FERMT2: variants seen among roughly 807,000 people sequenced by gnomAD.
FERMT2 encodes the protein FERM domain containing kindlin 2, also known as fermitin family homolog 2.
A neutral mutation model predicts 82.7 loss-of-function variants in FERMT2; 15 were observed. That is an observed-to-expected ratio of 0.18 (90% confidence interval 0.12 to 0.28). FERMT2 has a LOEUF of 0.28. Among genes scored for constraint, FERMT2 ranks in the 10% least tolerant of loss-of-function variants. FERMT2 has a pLI of 1.00. For missense variants in FERMT2, 645 were observed against 809.4 expected (o/e 0.80, Z 2.46); for synonymous variants, 274 against 271.5 (o/e 1.01, Z -0.09).
At chr14:52,931,189 A>C (rs1043258277) in intron 2 of FERMT2, among the ~76,000 whole-genome samples, 3 of 152,372 alleles carry the variant, frequency 2.0e-5, no homozygotes, top group African/African-American at 7.2e-5. Context: ...GAATATAAAA[A>C]TTAATAAGAA....
chr14:52,859,748 T>TTG (rs767586396), intron 13 of FERMT2, 34 bp from the exon 14 acceptor site: 65 of 1,370,460 alleles, frequency 4.7e-5, no homozygotes, highest in Admixed American at 1.0e-4. Context: ...GTTAAAAACA[T>TTG]GTTGTGGGGG....
At chr14:52,923,950 T>C (rs1270524679) in intron 2 of FERMT2, among the ~76,000 whole-genome samples, 1 of 152,180 alleles carries the variant, frequency 6.6e-6, no homozygotes, top group Non-Finnish European at 1.5e-5. Context: ...CTGTGGGGGC[T>C]TGTGACTTAT....
chr14:52,937,636 C>A (rs1889903683), intron 2 of FERMT2, among the ~76,000 whole-genome samples: 1 of 152,178 alleles, frequency 6.6e-6, no homozygotes, highest in South Asian at 2.1e-4. Context: ...CGGGACTATG[C>A]CTCACCATAT....
chr14:52,881,649 T>A lies in FERMT2; in HGVS notation c.527-180A>T, dbSNP rs1886304995. The A allele has an allele frequency of 4.7e-6, 4 of 846,562 alleles. No homozygotes were observed. In the South Asian group the frequency reaches 7.6e-5, roughly 16 times the overall value. The allele number at this position is 846,562 out of a possible 1,614,324, so 52.4% of individuals were successfully genotyped here. On this transcript the variant is annotated intron_variant, in intron 4 of 14. Transcript: ENST00000341590. ...TGTAATTAATTCTCCTTGTATAACA[T>A]TAAAACACGTAATAAAGCCTTAAGA... is the stretch of plus-strand genomic sequence containing the variant.
intron 2 of FERMT2, among the ~76,000 whole-genome samples, chr14:52,950,022 A>G (rs1408506580): frequency 1.3e-5 from 2 of 152,188 alleles, no homozygotes; most frequent in Non-Finnish European, 2.9e-5. Context: ...CGTCACTAAC[A>G]TTCAGGTATG....
chr14:52,896,657 G>C (rs1390476087), intron 3 of FERMT2, among the ~76,000 whole-genome samples: 1 of 152,136 alleles, frequency 6.6e-6, no homozygotes, highest in East Asian at 1.9e-4. Flanking sequence ...TGCTTTGTAA[G>C]TATTTGTGTC....
intron 4 of FERMT2, among the ~76,000 whole-genome samples, chr14:52,891,870 C>T (rs558683038): frequency 6.6e-6 from 1 of 152,242 alleles, no homozygotes; most frequent in East Asian, 1.9e-4. Context: ...CTTAGCTTCC[C>T]AACAGACATC....
chr14:52,934,118 A>C (rs1285981069), intron 2 of FERMT2, among the ~76,000 whole-genome samples: 1 of 152,198 alleles, frequency 6.6e-6, no homozygotes, highest in Non-Finnish European at 1.5e-5. Context: ...AAAAGCAGAG[A>C]CCAGAACTAA....
At chr14:52,927,836 C>T (rs1271499682) in intron 2 of FERMT2, among the ~76,000 whole-genome samples, 1 of 152,024 alleles carries the variant, frequency 6.6e-6, no homozygotes, top group Non-Finnish European at 1.5e-5. Context: ...GTGGCTGCTA[C>T]TAACTTTTTG....
chr14:52,906,612 A>G lies in FERMT2; in HGVS notation c.391+12511T>C, dbSNP rs969012032. Among the ~76,000 whole-genome samples, 5 of 152,270 alleles carry G rather than the reference A, an allele frequency of 3.3e-5. No individual in the cohort carries two copies. In the East Asian group the frequency reaches 9.6e-4, roughly 29 times the overall value. ...TGTAATAGCTATATAAAAATACTCC[A>G]TATGTTTAAGAAACTAGAGGAAAAC... On this transcript the variant is annotated intron_variant, in intron 3 of 14. Transcript: ENST00000341590.
chr14:52,899,431 C>T (rs7161323), intron 3 of FERMT2, among the ~76,000 whole-genome samples: 96,111 of 151,988 alleles, frequency 0.63, 31,686 homozygotes, highest in South Asian at 0.76. Flanking sequence ...TGCGGGCGCC[C>T]GCCACCACAC....
In FERMT2 at chr14:52,864,465, G is replaced by A. The variant is rs79804050; in HGVS notation, c.1538C>T (p.Thr513Met). Residue 513 changes from threonine to methionine, a missense_variant, in exon 12 of 15, where the codon ACG becomes ATG. Thr to Met is a moderately conservative substitution (Grantham distance 81). Transcript: ENST00000341590. The stretch of plus-strand genomic sequence containing the variant: ...CAAACATTCAGGAGTTATATCAGTC[G>A]TGATCTGCTCTGGTATTAACTGAGG... The part of the protein sequence containing the change: ...PDPQLIPEQI[T>M]TDITPECLVS... The A allele has an allele frequency of 2.8e-3, 4,482 of 1,613,974 alleles. 16 individuals are homozygous for A. Among genetic ancestry groups the A allele is most frequent in the Middle Eastern group, 6.8e-3 (41 of 6,062 alleles).
chr14:52,941,185 G>A (rs763809690), intron 2 of FERMT2, among the ~76,000 whole-genome samples: 6 of 152,166 alleles, frequency 3.9e-5, no homozygotes, highest in Non-Finnish European at 7.4e-5. Flanking sequence ...CATGTATTAT[G>A]CTAAGTGAAA....
Position 52,858,117 on chromosome 14 carries a change from T to TG in FERMT2, c.*259dup, listed in dbSNP as rs1290577242. On this transcript the variant is annotated 3_prime_UTR_variant, in exon 15 of 15. Coordinates refer to ENST00000341590, the MANE Select transcript of FERMT2 (RefSeq NM_006832.3). The stretch of plus-strand genomic sequence containing the variant: ...TTAAATCAGTAAATCAGTGATGGTT[T>TG]GTTCCTGATTTGCCCACTATTTCAG... 1.2e-5 allele frequency: 5 copies of TG among 419,998 alleles called. No homozygotes were observed. Among genetic ancestry groups the TG allele is most frequent in the African/African-American group, 2.0e-5 (1 of 50,640 alleles). The allele number at this position is 419,998 out of a possible 1,614,324, so 26.0% of individuals were successfully genotyped here.
intron 8 of FERMT2, 46 bp from the exon 9 acceptor site, chr14:52,874,272 T>G: frequency 1.6e-6 from 2 of 1,253,410 alleles, no homozygotes; most frequent in Non-Finnish European, 2.2e-6. Flanking sequence ...ATATTTGAAA[T>G]TCTTTCTAAT....
At chr14:52,902,892 C>CAAAAAAAAAAA (rs1355070805) in intron 3 of FERMT2, among the ~76,000 whole-genome samples, 2 of 36,754 alleles carry the variant, frequency 5.4e-5, no homozygotes, top group African/African-American at 9.1e-5. Context: ...AAAAAAAAAA[C>CAAAAAAAAAAA]CCCAAAACAC....
intron 2 of FERMT2, among the ~76,000 whole-genome samples, chr14:52,929,236 T>C (rs1485318359): frequency 3.9e-5 from 6 of 152,284 alleles, no homozygotes; most frequent in African/African-American, 1.2e-4. Context: ...ATTCCTTACA[T>C]TTATCAGCAA....
chr14:52,909,837 G>A (rs753760014), intron 3 of FERMT2, among the ~76,000 whole-genome samples: 1 of 152,068 alleles, frequency 6.6e-6, no homozygotes, highest in Admixed American at 6.6e-5. Flanking sequence ...GGTGGATCAC[G>A]AGGTCAAGGG....
intron 4 of FERMT2, among the ~76,000 whole-genome samples, chr14:52,888,779 A>T (rs1886755301): frequency 6.6e-6 from 1 of 152,212 alleles, no homozygotes; most frequent in South Asian, 2.1e-4. Context: ...ATCGCTTCTA[A>T]TATTGATATG....
Sources: allele counts gnomAD v4.1 joint callset (sites outside exome capture counted in the v4.1 genomes callset), GRCh38; gene constraint gnomAD v4.1.1; transcripts MANE v1.5; gene names NCBI Gene and HGNC (gene_info 2026-07-23, HGNC 2026-07-21).